TNKS1BP1: variants seen among roughly 807,000 people sequenced by gnomAD.
The protein encoded by TNKS1BP1 is 182 kDa tankyrase-1-binding protein.
A neutral mutation model predicts 141.1 loss-of-function variants in TNKS1BP1; 48 were observed. The ratio of observed to expected loss-of-function variants is 0.34; its 90% CI spans 0.27 to 0.43. TNKS1BP1 has a LOEUF of 0.43. Ranked by LOEUF, TNKS1BP1 falls within the 20% of genes least tolerant of loss-of-function variation. The pLI, the probability that TNKS1BP1 is intolerant of heterozygous loss-of-function variation, is 1.00. For missense variants in TNKS1BP1, 2,149 were observed against 2,226.0 expected (o/e 0.97, Z 0.70); for synonymous variants, 875 against 898.2 (o/e 0.97, Z 0.46).
At position 57,301,060 on chromosome 11, in the gene TNKS1BP1, A is replaced by C. The variant is rs1363923834; in HGVS notation, c.4972-19T>G. The C allele has an allele frequency of 6.3e-7, 1 of 1,596,522 alleles. No homozygotes were observed. The highest frequency in any genetic ancestry group is 1.3e-5 in the African/African-American group (1 of 74,584). On this transcript the variant is annotated intron_variant, in intron 9 of 11. Transcript: ENST00000358252. ...GCTTGGCCTGAGAAGCAAGTCCAGAAGCAGATAGATAGTAGAGGGACAGGC... is the reference window on the plus strand; with the variant it reads ...GCTTGGCCTGAGAAGCAAGTCCAGACGCAGATAGATAGTAGAGGGACAGGC...
intron 2 of TNKS1BP1, among the ~76,000 whole-genome samples, 167 bp downstream of exon 2, chr11:57,321,625 C>T (rs1855887451): frequency 1.3e-5 from 2 of 152,236 alleles, no homozygotes; most frequent in Admixed American, 6.5e-5. Flanking sequence ...TGAAGAGTCT[C>T]AAGAGAAGCT....
rs1286981228 is a variant in TNKS1BP1, at chr11:57,302,514, C to T, written c.4628G>A (p.Arg1543Gln). The T allele has an allele frequency of 7.4e-6, 12 of 1,611,122 alleles. No individual in the cohort carries two copies. Among genetic ancestry groups the T allele is most frequent in the Non-Finnish European group, 1.0e-5 (12 of 1,178,594 alleles). ...SDQGPAQTSR[R>Q]PSQGPPARSP... is the part of the protein sequence containing the mutation. ...TCTGGCAGGAGGGCCTTGGGAGGGTCGCCGAGAAGTCTGTGCTGGCCCCTG... is the reference window on the plus strand; with the variant it reads ...TCTGGCAGGAGGGCCTTGGGAGGGTTGCCGAGAAGTCTGTGCTGGCCCCTG... Residue 1543 changes from arginine (R) to glutamine (Q), a missense_variant, in exon 7 of 12, where the codon CGA becomes CAA. Physicochemically the swap from Arg to Gln is conservative, Grantham distance 43 (BLOSUM62 1). Transcript: ENST00000358252. This position sits in a 1 kb window ranked among gnomAD's most constrained non-coding sequence, Gnocchi z 5.5.
At chr11:57,310,799 A>G (rs1855694985) in intron 5 of TNKS1BP1, among the ~76,000 whole-genome samples, 1 of 152,130 alleles carries the variant, frequency 6.6e-6, no homozygotes, top group Non-Finnish European at 1.5e-5. Context: ...TAGACCAAGC[A>G]CTCAGCATAG....
At chr11:57,307,012 G>C (rs1855623992) in intron 6 of TNKS1BP1, among the ~76,000 whole-genome samples, 2 of 152,006 alleles carry the variant, frequency 1.3e-5, no homozygotes, top group Non-Finnish European at 2.9e-5. Context: ...TTGCCCTTAA[G>C]GGGTCACACC....
rs758680082 is a variant in TNKS1BP1, at chr11:57,309,141, T to C, written c.3570A>G (p.Gly1190=). The C allele has an allele frequency of 6.2e-7, 1 of 1,613,886 alleles. No individual in the cohort carries two copies. The highest frequency in any genetic ancestry group is 2.2e-5 in the East Asian group (1 of 44,856). Residue 1190 remains glycine, a synonymous_variant, in exon 6 of 12, where the codon GGA becomes GGG. Coordinates refer to ENST00000358252, the MANE Select transcript of TNKS1BP1 (RefSeq NM_033396.3). This position sits in a 1 kb window ranked among gnomAD's most constrained non-coding sequence, Gnocchi z 4.3. ...GSSEARESAV[G]QMGWSGGLSL... is the part of the protein sequence containing the mutation. ...TCAGGCCACCTGACCAGCCCATCTG[T>C]CCCACGGCACTCTCCCTGGCCTCGC...
At chr11:57,305,046 C>T (rs1448168047) in intron 6 of TNKS1BP1, among the ~76,000 whole-genome samples, 5 of 152,108 alleles carry the variant, frequency 3.3e-5, no homozygotes, top group African/African-American at 9.7e-5. Context: ...ACTCGCCCTT[C>T]ACCCCATCTT....
chr11:57,309,483 C>T lies in TNKS1BP1; in HGVS notation c.3228G>A (p.Leu1076=), dbSNP rs774958817. ...CTCGCTTTCCCATCTCCCCATCTTC[C>T]AGGTCAGCACTGCCAGGGCCCTGAG... ...AGAQGPGSAD[L]EDGEMGKRGW... is the part of the protein sequence containing the mutation. Residue 1076 remains leucine, a synonymous_variant, in exon 6 of 12, where the codon CTG becomes CTA. Transcript: ENST00000358252. The surrounding 1 kb of genome is among the most constrained non-coding windows in gnomAD (Gnocchi z 4.3). 1.2e-6 allele frequency: 2 copies of T among 1,613,928 alleles called. No homozygotes were observed. The highest frequency in any genetic ancestry group is 1.3e-5 in the African/African-American group (1 of 74,950).
At chr11:57,319,544 C>T (rs1855849105) in intron 3 of TNKS1BP1, among the ~76,000 whole-genome samples, 1 of 152,100 alleles carries the variant, frequency 6.6e-6, no homozygotes, top group Admixed American at 6.5e-5. Flanking sequence ...GCAGGCAGAT[C>T]ACCTGAGGTC....
rs896159039 is a variant in TNKS1BP1 at position 57,322,278 on chromosome 11, G to C, written c.-65-328C>G. 9.7e-6 allele frequency: 10 copies of C among 1,028,272 alleles called. No individual in the cohort carries two copies. In the Admixed American group the frequency reaches 5.1e-4, roughly 52 times the overall value. The allele number at this position is 1,028,272 out of a possible 1,614,324, so 63.7% of individuals were successfully genotyped here. On this transcript the variant is annotated intron_variant, in intron 1 of 11. Coordinates refer to ENST00000358252, the MANE Select transcript of TNKS1BP1 (RefSeq NM_033396.3). ...CTTGGGTAGGACGGCCCCGCTGGAGGTGTCTACTCAAAGCAGAGCTAGAGA... is the reference window on the plus strand; with the variant it reads ...CTTGGGTAGGACGGCCCCGCTGGAGCTGTCTACTCAAAGCAGAGCTAGAGA...
In TNKS1BP1 at chr11:57,308,934, G is replaced by C. The variant is rs1473870184; in HGVS notation, c.3777C>G (p.Asp1259Glu). 1 of 1,614,042 alleles carries C rather than the reference G, an allele frequency of 6.2e-7. No homozygotes were observed. The highest frequency in any genetic ancestry group is 2.2e-5 in the East Asian group (1 of 44,882). ...ACTCTCCGGCCTCCACACCTGACCA[G>C]TCAGTCTGCCCCACGCCACTCTCTC... Reference protein sequence around the residue: ...QARESGVGQTDWSGVEAGEFL... With the variant: ...QARESGVGQTEWSGVEAGEFL... The change falls in exon 6 of 12, where the codon GAC becomes GAG. Residue 1259 changes from aspartate (D) to glutamate (E), a missense_variant. Asp to Glu is a conservative substitution (Grantham distance 45, BLOSUM62 2). Transcript: ENST00000358252.
chr11:57,316,720 T>A (rs1469888631), intron 4 of TNKS1BP1, among the ~76,000 whole-genome samples: 1 of 152,154 alleles, frequency 6.6e-6, no homozygotes, highest in Non-Finnish European at 1.5e-5. Flanking sequence ...CAAGCCGTCA[T>A]CATCTCTCAC....
intron 5 of TNKS1BP1, among the ~76,000 whole-genome samples, chr11:57,310,821 CA>C (rs1307737695): frequency 6.6e-6 from 1 of 152,160 alleles, no homozygotes; most frequent in Non-Finnish European, 1.5e-5. Flanking sequence ...GCTTGGCATG[CA>C]GTGGGCACTC....
Position 57,313,374 on chromosome 11 carries a change from C to T in TNKS1BP1, c.1314G>A (p.Gln438=), listed in dbSNP as rs764489092. ...FSEGVLQSPS[Q]DQEKLGGSLA... Reference sequence around the variant, plus strand: ...GCGAGCCCCCCAGCTTCTCCTGGTCCTGACTGGGTGACTGGAGCACACCTT... The same window carrying T: ...GCGAGCCCCCCAGCTTCTCCTGGTCTTGACTGGGTGACTGGAGCACACCTT... The change falls in exon 5 of 12, where the codon CAG becomes CAA. Residue 438 remains glutamine (Q), a synonymous_variant. Transcript: ENST00000358252. 1.2e-6 allele frequency: 2 copies of T among 1,612,616 alleles called. No homozygotes were observed. The highest frequency in any genetic ancestry group is 2.2e-5 in the South Asian group (2 of 91,008).
In TNKS1BP1 at chr11:57,302,528, T is replaced by C; in HGVS notation, c.4614A>G (p.Ala1538=). 1.2e-6 allele frequency: 2 copies of C among 1,612,954 alleles called. No individual in the cohort carries two copies. Among genetic ancestry groups the C allele is most frequent in the Non-Finnish European group, 8.5e-7 (1 of 1,179,690 alleles). The stretch of plus-strand genomic sequence containing the variant: ...CTTGGGAGGGTCGCCGAGAAGTCTG[T>C]GCTGGCCCCTGATCGCTCCACCTGG... The part of the protein sequence containing the change: ...SAARWSDQGP[A]QTSRRPSQGP... The change falls in exon 7 of 12, where the codon GCA becomes GCG. Residue 1538 remains alanine, a synonymous_variant. Transcript: ENST00000358252. This position sits in a 1 kb window ranked among gnomAD's most constrained non-coding sequence, Gnocchi z 5.5.
At position 57,324,928 on chromosome 11, in the gene TNKS1BP1, C is replaced by G. The variant is rs1050805705; in HGVS notation, c.-154G>C. 4.4e-5 allele frequency: 44 copies of G among 994,406 alleles called. No individual in the cohort carries two copies. In the African/African-American group the frequency reaches 5.8e-4, roughly 13 times the overall value. 61.6% of individuals were successfully genotyped at this position (994,406 alleles called of 1,614,324 possible). On this transcript the variant is annotated 5_prime_UTR_variant, in exon 1 of 12. Coordinates refer to ENST00000358252, the MANE Select transcript of TNKS1BP1 (RefSeq NM_033396.3). ...CCGCTGCTACCGCCGCCGCCGCCGC[C>G]GTCACCGCGGGACGAAGCCACTGCG...
chr11:57,302,553 G>A lies in TNKS1BP1; in HGVS notation c.4589C>T (p.Ala1530Val). 1 of 1,613,158 alleles carries A rather than the reference G, an allele frequency of 6.2e-7. No homozygotes were observed. Among genetic ancestry groups the A allele is most frequent in the Non-Finnish European group, 8.5e-7 (1 of 1,179,880 alleles). The change falls in exon 7 of 12, where the codon GCC becomes GTC. Residue 1530 changes from alanine to valine, a missense_variant. Transcript: ENST00000358252. The surrounding 1 kb of genome is among the most constrained non-coding windows in gnomAD (Gnocchi z 5.5). ...TGCTGGCCCCTGATCGCTCCACCTG[G>A]CTGCTGAAGAGCCCCAGGTGCCATC... is the stretch of plus-strand genomic sequence containing the variant. ...DVDGTWGSSA[A>V]RWSDQGPAQT...
intron 6 of TNKS1BP1, among the ~76,000 whole-genome samples, chr11:57,305,586 G>A (rs1855597282): frequency 6.6e-6 from 1 of 152,178 alleles, no homozygotes; most frequent in South Asian, 2.1e-4. Context: ...CTGGAAAGAT[G>A]TGTCTAGAGA....
chr11:57,324,711 G>C, intron 1 of TNKS1BP1, 129 bp downstream of exon 1: 1 of 918,544 alleles, frequency 1.1e-6, no homozygotes, highest in Non-Finnish European at 1.3e-6. Context: ...AAACTTTCCT[G>C]GTGACCCCCC....
chr11:57,301,508 A>G (rs973109776), intron 9 of TNKS1BP1, among the ~76,000 whole-genome samples: 3 of 152,140 alleles, frequency 2.0e-5, no homozygotes, highest in African/African-American at 7.2e-5. Context: ...GCCTCTCCTC[A>G]GGGACACCTA....
Sources: gnomAD v4.1 joint callset for allele counts (sites outside exome capture counted in the v4.1 genomes callset) on GRCh38, gnomAD v4.1.1 for gene constraint, Gnocchi (gnomAD v3.1) non-coding constraint, MANE v1.5 for transcripts, NCBI Gene and HGNC (gene_info 2026-07-23, HGNC 2026-07-21) for gene names.